AGMO: variants seen among roughly 807,000 people sequenced by gnomAD.
AGMO encodes glyceryl-ether monooxygenase.
A neutral mutation model predicts 60.2 loss-of-function variants in AGMO; 75 were observed. The observed-to-expected ratio is 1.25, with a 90% confidence interval of 1.03 to 1.51. The LOEUF is 1.51. Among genes scored for constraint, AGMO ranks in the 40% most tolerant of loss-of-function variants. The probability of loss-of-function intolerance (pLI) is 0.00; values close to 1 mark genes in which losing one functional copy is unlikely to be tolerated. For synonymous variants in AGMO, 261 were observed against 177.1 expected (o/e 1.47, Z -3.76); for missense variants, 763 against 525.5 (o/e 1.45, Z -4.42).
the AGMO span, among the ~76,000 whole-genome samples, chr7:15,183,188 G>T: frequency 6.6e-6 from 1 of 151,022 alleles, no homozygotes; most frequent in Non-Finnish European, 1.5e-5. Flanking sequence ...GCCTTTATAT[G>T]TCTATTCTAT....
At chr7:15,270,277 T>C (rs185594932) in intron 12 of AGMO, among the ~76,000 whole-genome samples, 93 of 152,168 alleles carry the variant, frequency 6.1e-4, no homozygotes, top group African/African-American at 1.9e-3. Context: ...ACATCTGTTG[T>C]TTTTTGACTT....
At chr7:15,215,631 A>G (rs550472528) in intron 12 of AGMO, among the ~76,000 whole-genome samples, 11 of 152,246 alleles carry the variant, frequency 7.2e-5, no homozygotes, top group African/African-American at 1.9e-4. Context: ...GCTGATAATC[A>G]TAACTTGTCT....
At chr7:15,535,943 C>CA (rs111870202) in intron 3 of AGMO, among the ~76,000 whole-genome samples, 53,799 of 151,566 alleles carry the variant, frequency 0.35, 12,728 homozygotes, top group African/African-American at 0.68. Flanking sequence ...TTATAATATA[C>CA]GTGGGTACTC....
chr7:15,288,939 A>C (rs1364410195), intron 12 of AGMO, among the ~76,000 whole-genome samples: 2 of 151,876 alleles, frequency 1.3e-5, no homozygotes, highest in Non-Finnish European at 2.9e-5. Context: ...TCCAACTCCT[A>C]AACCTGGGAG....
At chr7:15,234,092 C>A (rs6954271) in intron 12 of AGMO, among the ~76,000 whole-genome samples, 4,952 of 152,078 alleles carry the variant, frequency 0.033, 298 homozygotes, top group African/African-American at 0.11. Flanking sequence ...AAGAACAGGT[C>A]GAAATAAATC....
intron 12 of AGMO, among the ~76,000 whole-genome samples, chr7:15,333,719 A>C (rs1781568193): frequency 6.6e-6 from 1 of 152,122 alleles, no homozygotes; most frequent in Admixed American, 6.6e-5. Flanking sequence ...GTGCTTGGAA[A>C]AGTATTGATT....
At chr7:15,232,789 C>CCACACGCACA (rs1782294307) in intron 12 of AGMO, among the ~76,000 whole-genome samples, 1 of 88,484 alleles carries the variant, frequency 1.1e-5, no homozygotes, top group Admixed American at 1.4e-4. Context: ...AACATGGAAA[C>CCACACGCACA]CACACACACA....
chr7:15,133,051 A>G, the AGMO span, among the ~76,000 whole-genome samples: 2 of 152,222 alleles, frequency 1.3e-5, no homozygotes, highest in Admixed American at 1.3e-4. Flanking sequence ...AGATATGGTA[A>G]GCAATTACAT....
At chr7:15,365,380 T>TA (rs60202363) in intron 12 of AGMO, 134 bp downstream of exon 12, 3,140 of 223,602 alleles carry the variant, frequency 0.014, 20 homozygotes, top group East Asian at 0.021. Flanking sequence ...TACTGGTAAG[T>TA]AAAAAAAAAA....
chr7:15,450,158 C>T (rs892738389), intron 3 of AGMO, among the ~76,000 whole-genome samples: 10 of 152,256 alleles, frequency 6.6e-5, no homozygotes, highest in South Asian at 2.1e-4. Context: ...CGGTGGCTCA[C>T]GCCTGTAATC....
chr7:15,148,649 A>C, the AGMO span, among the ~76,000 whole-genome samples: 1 of 152,180 alleles, frequency 6.6e-6, no homozygotes. Context: ...TGCAAAGGAC[A>C]TGATTCCATT....
At chr7:15,356,396 T>G (rs1207719872) in intron 12 of AGMO, among the ~76,000 whole-genome samples, 1 of 152,120 alleles carries the variant, frequency 6.6e-6, no homozygotes, top group East Asian at 1.9e-4. Flanking sequence ...ATTTTAAAAA[T>G]AAACATTTTT....
intron 12 of AGMO, among the ~76,000 whole-genome samples, chr7:15,241,505 G>A (rs892775105): frequency 2.2e-5 from 3 of 136,368 alleles, no homozygotes; most frequent in Non-Finnish European, 3.1e-5. Flanking sequence ...GGAAGACACA[G>A]AGTAGACAGT....
At chr7:15,414,475 T>TACAC (rs112635860) in intron 5 of AGMO, among the ~76,000 whole-genome samples, 8,296 of 146,470 alleles carry the variant, frequency 0.057, 270 homozygotes, top group Non-Finnish European at 0.084. Flanking sequence ...TAGACACACA[T>TACAC]ACACACACAC....
At chr7:15,205,235 T>C (rs1055610717) in intron 12 of AGMO, among the ~76,000 whole-genome samples, 15 of 152,210 alleles carry the variant, frequency 9.9e-5, no homozygotes, top group African/African-American at 3.6e-4. Flanking sequence ...AATATCACTT[T>C]GTGCAGTGGA....
At chr7:15,534,954 A>T (rs950267760) in intron 3 of AGMO, among the ~76,000 whole-genome samples, 2 of 151,960 alleles carry the variant, frequency 1.3e-5, no homozygotes, top group Non-Finnish European at 2.9e-5. Context: ...ATATGAATTC[A>T]TAACTTTTTT....
intron 12 of AGMO, among the ~76,000 whole-genome samples, chr7:15,333,151 G>A (rs924146346): frequency 1.3e-5 from 2 of 152,116 alleles, no homozygotes; most frequent in African/African-American, 4.8e-5. Context: ...ATTTATTACA[G>A]AGCACCACTT....
chr7:15,261,761 T>C (rs913964702), intron 12 of AGMO, among the ~76,000 whole-genome samples: 2 of 152,070 alleles, frequency 1.3e-5, no homozygotes, highest in African/African-American at 4.8e-5. Context: ...AACAAAATAC[T>C]GGTGAATGGA....
chr7:15,249,567 T>C (rs1330193710), intron 12 of AGMO, among the ~76,000 whole-genome samples: 1 of 152,178 alleles, frequency 6.6e-6, no homozygotes, highest in East Asian at 1.9e-4. Context: ...TTCTGAAGTA[T>C]GACACCCTTT....
Sources: allele counts gnomAD v4.1 joint callset (sites outside exome capture counted in the v4.1 genomes callset), GRCh38; gene constraint gnomAD v4.1.1; transcripts MANE v1.5; gene names NCBI Gene and HGNC (gene_info 2026-07-23, HGNC 2026-07-21).